Variants in ZC3H11A observed in about 807,000 individuals in gnomAD.
The protein encoded by ZC3H11A is zinc finger CCCH domain-containing protein 11A.
Under a neutral mutation model 90.8 loss-of-function variants are expected in ZC3H11A, and 22 were observed. That is an observed-to-expected ratio of 0.24 (90% CI 0.17 to 0.35). The LOEUF (loss-of-function observed/expected upper bound fraction) is 0.35. Among genes scored for constraint, ZC3H11A ranks in the 10% least tolerant of loss-of-function variants. The probability of loss-of-function intolerance (pLI) is 1.00; values close to 1 mark genes in which losing one functional copy is unlikely to be tolerated. For missense variants in ZC3H11A, 701 were observed against 964.9 expected (o/e 0.73, Z 3.62); for synonymous variants, 294 against 339.8 (o/e 0.87, Z 1.48).
At chr1:203,838,109 A>C (rs762809696) in intron 11 of ZC3H11A, 45 bp downstream of exon 11, 3 of 1,563,544 alleles carry the variant, frequency 1.9e-6, no homozygotes, top group Non-Finnish European at 2.6e-6. Flanking sequence ...TAATTATGAC[A>C]CTTGTGTCTT....
chr1:203,835,601 C>T (rs956834187), intron 10 of ZC3H11A: 4 of 184,750 alleles, frequency 2.2e-5, no homozygotes, highest in Admixed American at 6.1e-5. Flanking sequence ...TGGTGTACAG[C>T]GTCACTCAGA....
At chr1:203,811,090 GA>G in intron 2 of ZC3H11A, among the ~76,000 whole-genome samples, 1 of 150,686 alleles carries the variant, frequency 6.6e-6, no homozygotes, top group Non-Finnish European at 1.5e-5. Flanking sequence ...GCAATGAGCC[GA>G]GATTGCGCCA....
intron 11 of ZC3H11A, among the ~76,000 whole-genome samples, chr1:203,838,542 G>A (rs1685085730): frequency 6.6e-6 from 1 of 152,230 alleles, no homozygotes; most frequent in Non-Finnish European, 1.5e-5. Context: ...TCAAGGAACT[G>A]CATATGGCTG....
intron 2 of ZC3H11A, among the ~76,000 whole-genome samples, chr1:203,807,331 G>A (rs1282006132): frequency 4.6e-5 from 7 of 152,098 alleles, no homozygotes; most frequent in African/African-American, 1.2e-4. Context: ...TTTTGCCCAG[G>A]TTGGAATACA....
intron 2 of ZC3H11A, among the ~76,000 whole-genome samples, chr1:203,813,579 ATTAG>A (rs1675238762): frequency 6.6e-6 from 1 of 152,154 alleles, no homozygotes; most frequent in African/African-American, 2.4e-5. Context: ...TGTTATCTGT[ATTAG>A]TTCCTAGGAC....
At chr1:203,822,919 T>C (rs1679250492) in intron 4 of ZC3H11A, among the ~76,000 whole-genome samples, 1 of 152,242 alleles carries the variant, frequency 6.6e-6, no homozygotes, top group Non-Finnish European at 1.5e-5. Context: ...AGAGTGAGAC[T>C]AAATATGCAG....
chr1:203,806,130 C>A, intron 2 of ZC3H11A: 1 of 503,228 alleles, frequency 2.0e-6, no homozygotes. Context: ...TGATCTGGTC[C>A]TTATACTTCA....
At chr1:203,820,556 C>T (rs543470973) in intron 4 of ZC3H11A, among the ~76,000 whole-genome samples, 1 of 151,856 alleles carries the variant, frequency 6.6e-6, no homozygotes, top group East Asian at 1.9e-4. Flanking sequence ...CAGCTCACTG[C>T]GACCTCTGCC....
Position 203,818,582 on chromosome 1 carries a change from C to A in ZC3H11A, c.67C>A (p.Pro23Thr). The A allele has an allele frequency of 1.2e-6, 2 of 1,613,978 alleles. No individual in the cohort carries two copies. Among genetic ancestry groups the A allele is most frequent in the African/African-American group, 1.3e-5 (1 of 75,008 alleles). Reference protein sequence around the residue: ...YSTCTKGDSCPFRHCEAAIGN... With the variant: ...YSTCTKGDSCTFRHCEAAIGN... ...TATTTGTTTACAGGGTGACAGCTGC[C>A]CATTCCGTCACTGTGAAGCTGCAAT... Residue 23 changes from proline to threonine, a missense_variant, in exon 4 of 18, where the codon CCA becomes ACA. By Grantham distance (38) the Pro-to-Thr change is conservative. Coordinates refer to ENST00000367210, the MANE Select transcript of ZC3H11A (RefSeq NM_001376342.1).
chr1:203,821,904 C>G lies in ZC3H11A; in HGVS notation c.174+3215C>G, dbSNP rs143724697. On this transcript the variant is annotated intron_variant, in intron 4 of 17. Coordinates refer to ENST00000367210, the MANE Select transcript of ZC3H11A (RefSeq NM_001376342.1). ...TCCCGAGTAGCTGGGATTACAGGTG[C>G]CCGCCACCACGCCCGGCTAATTTTT... 9.1e-3 allele frequency among the ~76,000 whole-genome samples: 1,379 copies of G among 152,022 alleles called. 19 individuals are homozygous for G. Among genetic ancestry groups the G allele is most frequent in the African/African-American group, 0.032 (1,307 of 41,462 alleles).
At chr1:203,808,309 T>A (rs1673073702) in intron 2 of ZC3H11A, among the ~76,000 whole-genome samples, 1 of 152,216 alleles carries the variant, frequency 6.6e-6, no homozygotes, top group Non-Finnish European at 1.5e-5. Context: ...AGTCTAATAA[T>A]GTCAAGTCTG....
chr1:203,806,017 T>C (rs1672204844), intron 2 of ZC3H11A: 1 of 552,348 alleles, frequency 1.8e-6, no homozygotes, highest in Non-Finnish European at 3.5e-6. Context: ...GTTGAATGAC[T>C]CTTGGGTGCG....
rs1689633022 is a variant in ZC3H11A, at chr1:203,853,270, CCT to C, written c.*872_*873del. The C allele has an allele frequency of 6.6e-6, 1 of 152,578 alleles. No individual in the cohort carries two copies. The highest frequency in any genetic ancestry group is 1.9e-4 in the East Asian group (1 of 5,196). 9.5% of individuals were successfully genotyped at this position (152,578 alleles called of 1,614,324 possible). On this transcript the variant is annotated 3_prime_UTR_variant, in exon 18 of 18. Transcript: ENST00000367210. ...TTATTTCTAACTCTCCCAACAAACCCCTGTTGCCCAGTATTTGTTTGGTGGCC... is the reference window on the plus strand; with the variant it reads ...TTATTTCTAACTCTCCCAACAAACCCGTTGCCCAGTATTTGTTTGGTGGCC...
chr1:203,808,911 A>G (rs771541230), intron 2 of ZC3H11A, among the ~76,000 whole-genome samples: 2 of 151,778 alleles, frequency 1.3e-5, no homozygotes, highest in Non-Finnish European at 2.9e-5. Context: ...GCTCACTGCA[A>G]CCTCCACCTC....
intron 14 of ZC3H11A, among the ~76,000 whole-genome samples, chr1:203,849,291 C>T (rs1688711770): frequency 6.6e-6 from 1 of 152,200 alleles, no homozygotes; most frequent in Non-Finnish European, 1.5e-5. Context: ...TTACAGCCTG[C>T]TTTAACTTTA....
chr1:203,845,366 GA>G (rs1466834970), intron 12 of ZC3H11A, among the ~76,000 whole-genome samples: 6 of 152,182 alleles, frequency 3.9e-5, no homozygotes, highest in Non-Finnish European at 7.4e-5. Context: ...TGGATTGAAA[GA>G]ATTTGTGATT....
At chr1:203,818,967 G>T (rs1480629011) in intron 4 of ZC3H11A, among the ~76,000 whole-genome samples, 1 of 151,384 alleles carries the variant, frequency 6.6e-6, no homozygotes, top group Non-Finnish European at 1.5e-5. Context: ...TACTCGGGAG[G>T]CTGAGGCAGG....
At chr1:203,804,674 CTTTT>C (rs35042121) in intron 2 of ZC3H11A, among the ~76,000 whole-genome samples, 180 of 137,660 alleles carry the variant, frequency 1.3e-3, no homozygotes, top group Non-Finnish European at 2.1e-3. Context: ...TTTGCCTCAT[CTTTT>C]TTTTTTTTTT....
intron 1 of ZC3H11A, chr1:203,796,203 A>C (rs1668431581): frequency 2.6e-6 from 1 of 385,812 alleles, no homozygotes; most frequent in South Asian, 1.4e-4. Flanking sequence ...CTTCGGGGCA[A>C]CAGTTTCTCT....
Sources: allele counts gnomAD v4.1 joint callset (sites outside exome capture counted in the v4.1 genomes callset), GRCh38; gene constraint gnomAD v4.1.1; transcripts MANE v1.5; gene names NCBI Gene and HGNC (gene_info 2026-07-23, HGNC 2026-07-21).